CCDC57: variants seen among roughly 807,000 people sequenced by gnomAD.
CCDC57 encodes the protein coiled-coil domain-containing protein 57.
A neutral mutation model predicts 118.9 loss-of-function variants in CCDC57; 118 were observed. The observed-to-expected ratio is 0.99, with a 90% CI of 0.86 to 1.16. The LOEUF is 1.16. Among genes scored for constraint, CCDC57 ranks in the 50% most tolerant of loss-of-function variants. The pLI is 0.00. For missense variants in CCDC57, 1,300 were observed against 1,320.7 expected, an observed-to-expected ratio of 0.98 and a Z score of 0.24; for synonymous variants, 527 against 532.9, an observed-to-expected ratio of 0.99 and a Z score of 0.15.
At chr17:82,140,609 T>C (rs1224220599) in intron 16 of CCDC57, among the ~76,000 whole-genome samples, 1 of 152,238 alleles carries the variant, frequency 6.6e-6, no homozygotes, top group Non-Finnish European at 1.5e-5. Flanking sequence ...GTTATTTGCA[T>C]AGTTTCAATG....
chr17:82,104,699 C>A (rs2034718251), intron 19 of CCDC57: 1 of 152,194 alleles, frequency 6.6e-6, no homozygotes, highest in African/African-American at 2.4e-5. Context: ...CCACCACGCC[C>A]CGCTAAGTTT....
At chr17:82,113,165 A>G (rs2035413579) in intron 19 of CCDC57, 1 of 552,348 alleles carries the variant, frequency 1.8e-6, no homozygotes, top group Non-Finnish European at 3.2e-6. Flanking sequence ...TGTTTCTCAG[A>G]AAGTTCCAAG....
chr17:82,110,746 C>T (rs548575600), intron 19 of CCDC57, among the ~76,000 whole-genome samples: 109 of 152,198 alleles, frequency 7.2e-4, no homozygotes, highest in African/African-American at 2.3e-3. Context: ...TTATTTATGC[C>T]GGGCACGGTG....
At chr17:82,169,399 G>T (rs2044394402) in intron 13 of CCDC57, among the ~76,000 whole-genome samples, 1 of 152,172 alleles carries the variant, frequency 6.6e-6, no homozygotes, top group African/African-American at 2.4e-5. Flanking sequence ...AAAGTGCTGG[G>T]ATTACAGGCG....
chr17:82,193,527 A>T (rs1043675029), intron 7 of CCDC57, among the ~76,000 whole-genome samples: 1 of 151,914 alleles, frequency 6.6e-6, no homozygotes, highest in African/African-American at 2.4e-5. Context: ...GCCTGGGCAC[A>T]GAGCAAGACC....
chr17:82,126,306 A>T (rs1598731023), intron 19 of CCDC57: 2 of 768,348 alleles, frequency 2.6e-6, no homozygotes, highest in East Asian at 2.5e-4. Flanking sequence ...AAAACAGACA[A>T]GATAAAAAAC....
intron 13 of CCDC57, among the ~76,000 whole-genome samples, chr17:82,168,276 C>T (rs543087785): frequency 1.3e-5 from 2 of 152,322 alleles, no homozygotes; most frequent in Admixed American, 6.5e-5. Context: ...GGCTGTGCAT[C>T]GCTCTCTCTG....
chr17:82,113,597 C>G (rs766248451), intron 19 of CCDC57: 1 of 717,504 alleles, frequency 1.4e-6, no homozygotes, highest in African/African-American at 1.7e-5. Context: ...CCACGTGCTC[C>G]TTACCAAGCT....
intron 17 of CCDC57, among the ~76,000 whole-genome samples, chr17:82,133,432 A>C (rs2038710501): frequency 1.6e-5 from 1 of 60,682 alleles, no homozygotes; most frequent in Non-Finnish European, 3.7e-5. Flanking sequence ...GCCCTGTCTC[A>C]AAAAAAAAAA....
intron 3 of CCDC57, among the ~76,000 whole-genome samples, chr17:82,200,722 G>C (rs2048893013): frequency 6.6e-6 from 1 of 152,086 alleles, no homozygotes; most frequent in African/African-American, 2.4e-5. Context: ...GAACCCGGGA[G>C]ATGGAGGTTG....
chr17:82,151,821 G>A, intron 15 of CCDC57, 48 bp from the exon 15 acceptor site: 1 of 1,513,220 alleles, frequency 6.6e-7, no homozygotes. Flanking sequence ...TGCCCTCATG[G>A]GAGGACGCCA....
At chr17:82,127,334 A>G (rs62078303) in intron 19 of CCDC57, 567,881 of 983,464 alleles carry the variant, frequency 0.58, 166,111 homozygotes, top group Non-Finnish European at 0.59. Flanking sequence ...ACCAATGCCC[A>G]CGCGTCTCAC....
rs936750234 is a variant in CCDC57 at position 82,172,775 on chromosome 17, A to G, written c.1592T>C (p.Leu531Ser). The stretch of plus-strand genomic sequence containing the variant: ...CCTCATCTGGGCAATCGCGTTTCGC[A>G]AGCTCGTGTTCTGCTCTCGGAGCCG... The change falls in exon 12 of 20, where the codon TTG (leucine) becomes TCG (serine). Residue 531 changes from leucine to serine, a missense_variant. Physicochemically the swap from Leu to Ser is moderately radical, Grantham distance 145. Transcript: ENST00000665763. This position sits in a 1 kb window ranked among gnomAD's most constrained non-coding sequence, Gnocchi z 5.2. The G allele has an allele frequency of 2.5e-6, 4 of 1,612,954 alleles. No individual in the cohort carries two copies. The highest frequency in any genetic ancestry group is 4.5e-5 in the East Asian group (2 of 44,854).
intron 19 of CCDC57, among the ~76,000 whole-genome samples, chr17:82,122,718 C>T (rs1464171477): frequency 6.6e-6 from 1 of 152,344 alleles, no homozygotes; most frequent in Admixed American, 6.5e-5. Flanking sequence ...ACCTCTGCCT[C>T]TGTCCTATTA....
intron 2 of CCDC57, among the ~76,000 whole-genome samples, chr17:82,204,749 G>C (rs936905402): frequency 3.3e-5 from 5 of 152,118 alleles, no homozygotes; most frequent in Non-Finnish European, 2.9e-5. Context: ...CACCACTGCA[G>C]TCCGGCCTGG....
chr17:82,189,777 C>T (rs1455919014), intron 7 of CCDC57, among the ~76,000 whole-genome samples: 2 of 151,956 alleles, frequency 1.3e-5, no homozygotes, highest in Non-Finnish European at 2.9e-5. Flanking sequence ...TGCTCGAACC[C>T]GGGAGGCAGA....
At position 82,212,416 on chromosome 17, in the gene CCDC57, T is replaced by TTA. The variant is rs1568519878; in HGVS notation, c.-211+368_-211+369insTA. Among the ~76,000 whole-genome samples, 4 of 145,032 alleles carry TTA rather than the reference T, an allele frequency of 2.8e-5. No individual in the cohort carries two copies. Among genetic ancestry groups the TTA allele is most frequent in the African/African-American group, 5.0e-5 (2 of 39,744 alleles). ...TCCTCTCTTTTTTTTTTTTTTTTTT[T>TTA]AAACTCACAGACACTGTAAGGCTGC... On this transcript the variant is annotated intron_variant, in intron 1 of 19. Transcript: ENST00000665763. The surrounding 1 kb of genome is among the most constrained non-coding windows in gnomAD (Gnocchi z 4.1).
intron 16 of CCDC57, among the ~76,000 whole-genome samples, chr17:82,147,235 T>C (rs554778066): frequency 7.2e-6 from 1 of 139,268 alleles, no homozygotes; most frequent in African/African-American, 2.7e-5. Flanking sequence ...GATGGATGGA[T>C]GGATGAATGG....
intron 17 of CCDC57, among the ~76,000 whole-genome samples, chr17:82,132,216 A>C (rs2038502648): frequency 6.6e-6 from 1 of 152,152 alleles, no homozygotes; most frequent in South Asian, 2.1e-4. Context: ...ACAGATATTA[A>C]AATAGGTCAC....
Sources: allele counts gnomAD v4.1 joint callset (sites outside exome capture counted in the v4.1 genomes callset), GRCh38; gene constraint gnomAD v4.1.1; non-coding constraint Gnocchi (gnomAD v3.1); transcripts MANE v1.5; gene names NCBI Gene and HGNC (gene_info 2026-07-23, HGNC 2026-07-21).